Variants in CDH12 observed in about 807,000 individuals in gnomAD.
CDH12 encodes cadherin-12.
A neutral mutation model predicts 74.1 loss-of-function variants in CDH12; 41 were observed. The ratio of observed to expected loss-of-function variants is 0.55; its 90% CI spans 0.43 to 0.72. CDH12 has a LOEUF of 0.72. CDH12 is among the 30% of genes least tolerant of loss of function. The pLI is 0.00. For synonymous variants in CDH12, 399 were observed against 355.0 expected (o/e 1.12, Z -1.39); for missense variants, 945 against 977.2 (o/e 0.97, Z 0.44).
At chr5:22,027,704 T>C (rs1233851795) in intron 5 of CDH12, among the ~76,000 whole-genome samples, 4 of 152,272 alleles carry the variant, frequency 2.6e-5, no homozygotes, top group Non-Finnish European at 2.9e-5. Flanking sequence ...TTCTTCTCTC[T>C]TTTTTTCTTT....
At chr5:22,043,963 C>T (rs1243259792) in intron 5 of CDH12, among the ~76,000 whole-genome samples, 1 of 152,004 alleles carries the variant, frequency 6.6e-6, no homozygotes, top group East Asian at 1.9e-4. Flanking sequence ...GAAAAATACC[C>T]CATGTTCATG....
chr5:22,366,475 C>T (rs114053168), intron 3 of CDH12, among the ~76,000 whole-genome samples: 1,803 of 152,150 alleles, frequency 0.012, 30 homozygotes, highest in African/African-American at 0.042. Flanking sequence ...ATCTTGATTA[C>T]GTACTGCCAA....
At chr5:22,282,825 G>A (rs1412899897) in intron 3 of CDH12, among the ~76,000 whole-genome samples, 1 of 152,124 alleles carries the variant, frequency 6.6e-6, no homozygotes, top group Non-Finnish European at 1.5e-5. Flanking sequence ...GTGGAAGACA[G>A]GGTGGTGATT....
In CDH12 at chr5:22,078,611, T is replaced by C. The variant is rs746416205; in HGVS notation, c.66A>G (p.Pro22=). The C allele has an allele frequency of 2.7e-5, 44 of 1,613,792 alleles. No homozygotes were observed. Among genetic ancestry groups the C allele is most frequent in the Non-Finnish European group, 3.5e-5 (41 of 1,179,882 alleles). Residue 22 remains proline, a synonymous_variant, in exon 5 of 15, where the codon CCA becomes CCG. Transcript: ENST00000382254. ...WVLFDGGLLT[P]LQPQPQQTLA... Reference sequence around the variant, plus strand: ...AAGTCTGCTGTGGCTGTGGTTGTAGTGGTGTTAGGAGACCTCCATCAAACA... The same window carrying C: ...AAGTCTGCTGTGGCTGTGGTTGTAGCGGTGTTAGGAGACCTCCATCAAACA...
intron 5 of CDH12, among the ~76,000 whole-genome samples, chr5:22,037,864 G>A (rs527496925): frequency 6.6e-6 from 1 of 152,234 alleles, no homozygotes; most frequent in East Asian, 1.9e-4. Context: ...GAGAATGAGA[G>A]AAAATCCATG....
chr5:22,639,644 A>G (rs374310977), intron 1 of CDH12, among the ~76,000 whole-genome samples: 6 of 152,212 alleles, frequency 3.9e-5, no homozygotes, highest in Admixed American at 2.6e-4. Context: ...TTTACTTTCC[A>G]GTTTCCAAAG....
At chr5:22,452,607 CT>C in intron 2 of CDH12, among the ~76,000 whole-genome samples, 1 of 151,940 alleles carries the variant, frequency 6.6e-6, no homozygotes, top group East Asian at 1.9e-4. Context: ...AGATCCAAAA[CT>C]GTGAAACTGC....
At chr5:22,840,283 G>A (rs1737025777) in intron 1 of CDH12, among the ~76,000 whole-genome samples, 1 of 151,840 alleles carries the variant, frequency 6.6e-6, no homozygotes, top group Non-Finnish European at 1.5e-5. Flanking sequence ...ACCATACCCG[G>A]CTAATTTTTA....
intron 1 of CDH12, among the ~76,000 whole-genome samples, chr5:22,609,592 A>T (rs1737292066): frequency 6.6e-6 from 1 of 152,218 alleles, no homozygotes; most frequent in Admixed American, 6.5e-5. Flanking sequence ...AGAGAAGAGA[A>T]ATGCTCATTC....
rs576439225 is a variant in CDH12, at chr5:22,786,888, T to G, written c.-523+66170A>C. 4.3e-4 allele frequency among the ~76,000 whole-genome samples: 66 copies of G among 152,028 alleles called. No homozygotes were observed. The South Asian group carries it at 0.013, about 31-fold the overall frequency. On this transcript the variant is annotated intron_variant, in intron 1 of 14. Coordinates refer to ENST00000382254, the MANE Select transcript of CDH12 (RefSeq NM_004061.5). ...TGCATGCCACCACATCTGGCTAATT[T>G]TTTGTGTTTTTAATAGAAACGGGGT...
chr5:22,139,911 G>A (rs1746691069), intron 4 of CDH12, among the ~76,000 whole-genome samples: 3 of 151,954 alleles, frequency 2.0e-5, no homozygotes, highest in African/African-American at 7.3e-5. Flanking sequence ...AAGTTGCTAA[G>A]CAATAAAACT....
chr5:22,196,974 G>A (rs905528567), intron 4 of CDH12, among the ~76,000 whole-genome samples: 1 of 151,932 alleles, frequency 6.6e-6, no homozygotes, highest in Non-Finnish European at 1.5e-5. Context: ...TTAATATCTG[G>A]GTGATGAAAC....
At chr5:21,757,612 G>A (rs1744473797) in intron 13 of CDH12, among the ~76,000 whole-genome samples, 2 of 152,086 alleles carry the variant, frequency 1.3e-5, no homozygotes, top group South Asian at 2.1e-4. Context: ...CAAGGAACAT[G>A]GTAAATGGCA....
intron 4 of CDH12, among the ~76,000 whole-genome samples, chr5:22,183,633 C>A (rs907076406): frequency 3.3e-5 from 5 of 152,124 alleles, no homozygotes; most frequent in Admixed American, 6.5e-5. Flanking sequence ...CTATTTCATG[C>A]AAGTCACTAA....
intron 2 of CDH12, among the ~76,000 whole-genome samples, chr5:22,434,469 C>T (rs150755844): frequency 0.01 from 1,568 of 152,126 alleles, 26 homozygotes; most frequent in African/African-American, 0.036. Flanking sequence ...TCCATTTGAG[C>T]GTGTCATAGA....
chr5:22,397,219 CTT>C lies in CDH12; in HGVS notation c.-333+8036_-333+8037del, dbSNP rs762181585. Among the ~76,000 whole-genome samples, 39 of 152,184 alleles carry C rather than the reference CTT, an allele frequency of 2.6e-4. 1 individual carries two copies. Among genetic ancestry groups the C allele is most frequent in the Non-Finnish European group, 4.6e-4 (31 of 68,002 alleles). The stretch of plus-strand genomic sequence containing the variant: ...CTCTCAAATAATCATGGCAAAGTCT[CTT>C]TCTCCTTTCACCCTTTCCCAATGGC... On this transcript the variant is annotated intron_variant, in intron 3 of 14. Coordinates refer to ENST00000382254, the MANE Select transcript of CDH12 (RefSeq NM_004061.5).
chr5:21,837,888 G>GCAGAAA (rs1749629814), intron 8 of CDH12, among the ~76,000 whole-genome samples: 1 of 152,078 alleles, frequency 6.6e-6, no homozygotes, highest in Non-Finnish European at 1.5e-5. Context: ...TAGTCCAAGT[G>GCAGAAA]TTCATGTAAT....
chr5:21,781,343 C>T (rs1745896775), intron 11 of CDH12, among the ~76,000 whole-genome samples: 1 of 152,122 alleles, frequency 6.6e-6, no homozygotes, highest in African/African-American at 2.4e-5. Context: ...ACACCCAGAG[C>T]CCCCAACAGC....
At chr5:22,598,072 A>C (rs971131476) in intron 1 of CDH12, among the ~76,000 whole-genome samples, 1 of 152,194 alleles carries the variant, frequency 6.6e-6, no homozygotes, top group East Asian at 1.9e-4. Flanking sequence ...TTCTAATTGT[A>C]TCAATAATCT....
Sources: allele counts gnomAD v4.1 joint callset (sites outside exome capture counted in the v4.1 genomes callset), GRCh38; gene constraint gnomAD v4.1.1; transcripts MANE v1.5; gene names NCBI Gene and HGNC (gene_info 2026-07-23, HGNC 2026-07-21).